Variants in PARD3 observed in about 807,000 individuals in gnomAD.
PARD3 encodes the protein partitioning defective 3 homolog.
In PARD3, 75 loss-of-function variants were observed where a neutral mutation model predicts 155.4. The observed-to-expected ratio is 0.48, with a 90% confidence interval of 0.40 to 0.58. The LOEUF is 0.58. Among genes scored for constraint, PARD3 ranks in the 20% least tolerant of loss-of-function variants. PARD3 has a pLI of 0.00. For missense variants in PARD3, 1,642 were observed against 1,721.7 expected, an observed-to-expected ratio of 0.95 and a Z score of 0.82; for synonymous variants, 576 against 610.5, an observed-to-expected ratio of 0.94 and a Z score of 0.83.
At chr10:34,347,939 G>A in intron 15 of PARD3, 26 bp downstream of exon 15, 3 of 1,589,452 alleles carry the variant, frequency 1.9e-6, no homozygotes, top group Non-Finnish European at 2.6e-6. Context: ...AATAAGATGT[G>A]ATAAACAGAG....
intron 2 of PARD3, among the ~76,000 whole-genome samples, chr10:34,562,037 G>A (rs1369432383): frequency 2.0e-5 from 3 of 148,408 alleles, no homozygotes; most frequent in East Asian, 2.0e-4. Context: ...GGAATGCTGA[G>A]GGAGAGAATC....
intron 5 of PARD3, among the ~76,000 whole-genome samples, chr10:34,428,374 G>A (rs1306775461): frequency 6.6e-6 from 1 of 152,136 alleles, no homozygotes; most frequent in African/African-American, 2.4e-5. Context: ...TCTTAAGCCA[G>A]GTGTGGTGGT....
At chr10:34,783,573 C>T (rs1450357931) in intron 1 of PARD3, among the ~76,000 whole-genome samples, 1 of 136,806 alleles carries the variant, frequency 7.3e-6, no homozygotes, top group Non-Finnish European at 1.5e-5. Context: ...CACTGTGCTC[C>T]AGCCTGGGCG....
At chr10:34,323,881 A>G (rs949352680) in intron 19 of PARD3, among the ~76,000 whole-genome samples, 2 of 152,218 alleles carry the variant, frequency 1.3e-5, no homozygotes, top group Non-Finnish European at 1.5e-5. Flanking sequence ...GACGGCCCAC[A>G]GTGGATGCTG....
At chr10:34,651,142 A>G (rs1457727248) in intron 2 of PARD3, among the ~76,000 whole-genome samples, 1 of 150,546 alleles carries the variant, frequency 6.6e-6, no homozygotes, top group African/African-American at 2.4e-5. Context: ...GTGAGGAATT[A>G]TGTGTTCCAG....
chr10:34,798,829 C>T (rs992875453), intron 1 of PARD3, among the ~76,000 whole-genome samples: 7 of 152,092 alleles, frequency 4.6e-5, no homozygotes, highest in Non-Finnish European at 5.9e-5. Flanking sequence ...AGTCCAAAGG[C>T]GAGCAGGGTT....
intron 5 of PARD3, among the ~76,000 whole-genome samples, chr10:34,439,857 A>G (rs2076375384): frequency 6.6e-6 from 1 of 152,212 alleles, no homozygotes; most frequent in African/African-American, 2.4e-5. Context: ...TAATTTCTTT[A>G]TAATTTGTTC....
chr10:34,733,142 A>G (rs1284987474), intron 1 of PARD3, among the ~76,000 whole-genome samples: 1 of 152,162 alleles, frequency 6.6e-6, no homozygotes, highest in Non-Finnish European at 1.5e-5. Context: ...CACTACTACA[A>G]TGAAATATTT....
At chr10:34,502,425 G>A (rs1006760934) in intron 3 of PARD3, among the ~76,000 whole-genome samples, 1 of 152,106 alleles carries the variant, frequency 6.6e-6, no homozygotes, top group African/African-American at 2.4e-5. Flanking sequence ...AGAGCCTCCC[G>A]CAGGAAGGCA....
intron 14 of PARD3, among the ~76,000 whole-genome samples, chr10:34,350,264 C>G (rs112069172): frequency 1.2e-4 from 19 of 152,238 alleles, no homozygotes; most frequent in African/African-American, 3.4e-4. Flanking sequence ...GAGAGGCAAC[C>G]CCAGTGGTCC....
At chr10:34,155,456 C>A (rs996256490) in intron 22 of PARD3, among the ~76,000 whole-genome samples, 1 of 152,080 alleles carries the variant, frequency 6.6e-6, no homozygotes, top group African/African-American at 2.4e-5. Context: ...GCTTAGTTAG[C>A]ATATTGGAAA....
intron 23 of PARD3, among the ~76,000 whole-genome samples, chr10:34,123,307 A>T (rs953691034): frequency 2.6e-5 from 4 of 152,146 alleles, no homozygotes; most frequent in African/African-American, 9.7e-5. Flanking sequence ...TTTTTTTGTA[A>T]GTGGACTACA....
At chr10:34,495,657 AAC>A in intron 3 of PARD3, among the ~76,000 whole-genome samples, 1 of 152,282 alleles carries the variant, frequency 6.6e-6, no homozygotes, top group South Asian at 2.1e-4. Flanking sequence ...AAGAGCATGA[AAC>A]ACACTGTCAC....
intron 2 of PARD3, among the ~76,000 whole-genome samples, chr10:34,685,747 C>T (rs1321445167): frequency 6.6e-6 from 1 of 152,074 alleles, no homozygotes; most frequent in Non-Finnish European, 1.5e-5. Flanking sequence ...GCGCGCATGA[C>T]CAAACCTGGC....
intron 2 of PARD3, among the ~76,000 whole-genome samples, chr10:34,673,724 T>C (rs1485350358): frequency 2.0e-5 from 3 of 152,150 alleles, no homozygotes; most frequent in Non-Finnish European, 4.4e-5. Flanking sequence ...TCAAAGTTAT[T>C]CTCTCTACTA....
chr10:34,617,903 C>T (rs1368638247), intron 2 of PARD3, among the ~76,000 whole-genome samples: 1 of 152,064 alleles, frequency 6.6e-6, no homozygotes, highest in African/African-American at 2.4e-5. Context: ...TGGGTTAAAA[C>T]TGTGAGAGAG....
chr10:34,718,967 T>A (rs2094563412), intron 1 of PARD3, among the ~76,000 whole-genome samples: 2 of 151,688 alleles, frequency 1.3e-5, no homozygotes, highest in South Asian at 4.2e-4. Flanking sequence ...CAAAAAAAAA[T>A]AAAAATAAAA....
chr10:34,430,728 T>C (rs1410109753), intron 5 of PARD3, among the ~76,000 whole-genome samples: 1 of 152,224 alleles, frequency 6.6e-6, no homozygotes, highest in Non-Finnish European at 1.5e-5. Context: ...CGCTATGGTA[T>C]TAAAGCTTCT....
intron 1 of PARD3, among the ~76,000 whole-genome samples, chr10:34,805,088 TG>T (rs1231397383): frequency 6.6e-6 from 1 of 152,250 alleles, no homozygotes; most frequent in Admixed American, 6.5e-5. Flanking sequence ...CTGGGCGCGG[TG>T]GCTCACGCCT....
Sources: allele counts gnomAD v4.1 joint callset (sites outside exome capture counted in the v4.1 genomes callset), GRCh38; gene constraint gnomAD v4.1.1; transcripts MANE v1.5; gene names NCBI Gene and HGNC (gene_info 2026-07-23, HGNC 2026-07-21).